Variants in AKAP1 observed in about 807,000 individuals in gnomAD.
AKAP1 encodes A-kinase anchor protein 1, mitochondrial.
Under a neutral mutation model 79.8 loss-of-function variants are expected in AKAP1, and 32 were observed. The observed-to-expected ratio is 0.40, with a 90% CI of 0.30 to 0.54. The LOEUF (loss-of-function observed/expected upper bound fraction) is 0.54, where lower values mean the gene tolerates loss of function less well. Ranked by LOEUF, AKAP1 falls within the 20% of genes least tolerant of loss-of-function variation. AKAP1 has a pLI of 0.47. For missense variants in AKAP1, 961 were observed against 1,138.9 expected (o/e 0.84, Z 2.25); for synonymous variants, 416 against 466.7 (o/e 0.89, Z 1.40).
At chr17:57,117,180 G>T (rs1170671620) in intron 8 of AKAP1, among the ~76,000 whole-genome samples, 3 of 152,202 alleles carry the variant, frequency 2.0e-5, no homozygotes, top group African/African-American at 7.2e-5. Flanking sequence ...GCATCAAGGG[G>T]CTTCCAACAA....
At chr17:57,094,820 T>G (rs1567897836) in intron 1 of AKAP1, 7 of 152,006 alleles carry the variant, frequency 4.6e-5, no homozygotes, top group Admixed American at 3.9e-4. Context: ...CTCACCACAT[T>G]GCCCAGGCTA....
At position 57,106,488 on chromosome 17, in the gene AKAP1, G is replaced by A. The variant is rs1222549357; in HGVS notation, c.1024G>A (p.Glu342Lys). ...DRNEEGLDRN[E>K]EIKRAAFQII... ...AAATGAGGAGGGCTTGGATAGAAAT[G>A]AGGAGATTAAGCGGGCTGCCTTCCA... Residue 342 changes from glutamate (E) to lysine (K), a missense_variant, in exon 2 of 11, where the codon GAG (glutamate) becomes AAG (lysine). Physicochemically the swap from Glu to Lys is moderately conservative, Grantham distance 56 (BLOSUM62 1). Transcript: ENST00000337714. The A allele has an allele frequency of 1.9e-6, 3 of 1,613,868 alleles. No individual in the cohort carries two copies. The South Asian group carries it at 3.3e-5, about 18-fold the overall frequency.
At position 57,121,040 on chromosome 17, in the gene AKAP1, AC is replaced by A. The variant is rs1915891838; in HGVS notation, c.*717del. 6.6e-6 allele frequency: 1 copy of A among 152,642 alleles called. No homozygotes were observed. Among genetic ancestry groups the A allele is most frequent in the Non-Finnish European group, 1.5e-5 (1 of 68,058 alleles). 9.5% of individuals were successfully genotyped at this position (152,642 alleles called of 1,614,324 possible). A position where few individuals can be genotyped will look rare whatever the true frequency, so the allele number is the denominator to read the frequency against. On this transcript the variant is annotated 3_prime_UTR_variant, in exon 11 of 11. Coordinates refer to ENST00000337714, the MANE Select transcript of AKAP1 (RefSeq NM_003488.4). ...TATTTTGTACAAGATACACTGGAGA[AC>A]AAAGGGAACTCAAGATTCTTCCAGC...
At chr17:57,117,598 C>T (rs755498309) in intron 8 of AKAP1, among the ~76,000 whole-genome samples, 6 of 152,170 alleles carry the variant, frequency 3.9e-5, no homozygotes, top group Non-Finnish European at 5.9e-5. Flanking sequence ...GATTTGCATG[C>T]GTTAGAAATA....
At chr17:57,110,868 T>C (rs952984090) in intron 3 of AKAP1, among the ~76,000 whole-genome samples, 17 of 152,186 alleles carry the variant, frequency 1.1e-4, no homozygotes, top group African/African-American at 4.1e-4. Flanking sequence ...TATTAGAACT[T>C]ACAACATATT....
chr17:57,088,881 C>T (rs894444471), intron 1 of AKAP1, among the ~76,000 whole-genome samples: 2 of 152,146 alleles, frequency 1.3e-5, no homozygotes, highest in African/African-American at 4.8e-5. Flanking sequence ...ATTGTGTTCC[C>T]TGTTCTGTAA....
intron 5 of AKAP1, among the ~76,000 whole-genome samples, chr17:57,113,594 CTTTTTTTTTTTTTTT>C (rs1036422001): frequency 1.2e-5 from 1 of 82,498 alleles, no homozygotes; most frequent in African/African-American, 5.9e-5. Flanking sequence ...GACTCACTCT[CTTTTTTTTTTTTTTT>C]TTTTTTTTTT....
chr17:57,093,276 C>T (rs1376036019), intron 1 of AKAP1: 1 of 152,212 alleles, frequency 6.6e-6, no homozygotes, highest in East Asian at 1.9e-4. Flanking sequence ...TTTGCAGTAT[C>T]TTACCTGTAA....
rs71139964 is a variant in AKAP1, at chr17:57,114,912, T to TC, written c.2281+279dup. Among the ~76,000 whole-genome samples the TC allele has an allele frequency of 5.8e-3, 877 of 151,998 alleles. 4 individuals carry two copies. Among genetic ancestry groups the TC allele is most frequent in the African/African-American group, 0.02 (843 of 41,444 alleles). The stretch of plus-strand genomic sequence containing the variant: ...TTTTTTTAATTTTTTCTTTTTTTTT[T>TC]CCCTCAAAGCCAGTGTCATAGTATC... On this transcript the variant is annotated intron_variant, in intron 6 of 10. Transcript: ENST00000337714.
rs1215149369 is a variant in AKAP1 at position 57,086,166 on chromosome 17, C to G, written c.-25+768C>G. 6.1e-6 allele frequency: 2 copies of G among 325,248 alleles called. No homozygotes were observed. The allele number at this position is 325,248 out of a possible 1,614,324, so 20.1% of individuals were successfully genotyped here. Reference sequence around the variant, plus strand: ...GTGGAGGCCGTCCAGCCTGGGGTGTCTGCCGACCTCACGCCCGGGGGCCCC... The same window carrying G: ...GTGGAGGCCGTCCAGCCTGGGGTGTGTGCCGACCTCACGCCCGGGGGCCCC... On this transcript the variant is annotated intron_variant, in intron 1 of 10. Transcript: ENST00000337714. The surrounding 1 kb of genome is among the most constrained non-coding windows in gnomAD (Gnocchi z 5.1).
Position 57,086,527 on chromosome 17 carries a change from C to G in AKAP1, c.-25+1129C>G, listed in dbSNP as rs1266308980. ...CCGCCGTTAACACAAACCCGGTGGA[C>G]TTCGCTCCAGGTGCGAGTCGAGGCC... On this transcript the variant is annotated intron_variant, in intron 1 of 10. Transcript: ENST00000337714. This position sits in a 1 kb window ranked among gnomAD's most constrained non-coding sequence, Gnocchi z 5.1. 2.2e-6 allele frequency: 1 copy of G among 444,592 alleles called. No individual in the cohort carries two copies. Among genetic ancestry groups the G allele is most frequent in the South Asian group, 1.6e-5 (1 of 62,890 alleles). The allele number at this position is 444,592 out of a possible 1,614,324, so 27.5% of individuals were successfully genotyped here. A position where few individuals can be genotyped will look rare whatever the true frequency, so the allele number is the denominator to read the frequency against.
At chr17:57,111,251 C>T (rs1915228634) in intron 3 of AKAP1, among the ~76,000 whole-genome samples, 1 of 152,250 alleles carries the variant, frequency 6.6e-6, no homozygotes, top group South Asian at 2.1e-4. Flanking sequence ...GGCACTTCTG[C>T]ATGCCTCCTG....
Position 57,111,924 on chromosome 17 carries a change from G to A in AKAP1, c.1975G>A (p.Gly659Ser). The A allele has an allele frequency of 6.2e-7, 1 of 1,611,838 alleles. No individual in the cohort carries two copies. ...TQSVQICHIE[G>S]SQHHVDKALN... The stretch of plus-strand genomic sequence containing the variant: ...GAGCGTCCAGATCTGCCACATAGAA[G>A]GTCAGTAACATCTGCTGCTTGTATT... Residue 659 changes from glycine to serine, a missense_variant and splice_region_variant, in exon 4 of 11, where the codon GGC (glycine) becomes AGC (serine). Gly to Ser is a moderately conservative substitution (Grantham distance 56). This residue lies in a region of AKAP1 where 629 missense variants were observed against 781.1 expected (regional missense o/e 0.81). Coordinates refer to ENST00000337714, the MANE Select transcript of AKAP1 (RefSeq NM_003488.4).
intron 1 of AKAP1, among the ~76,000 whole-genome samples, chr17:57,104,106 C>G (rs1330205725): frequency 6.6e-6 from 1 of 152,096 alleles, no homozygotes; most frequent in East Asian, 1.9e-4. Context: ...ATTACAGGCG[C>G]CTGCCACCAT....
chr17:57,105,569 C>T lies in AKAP1; in HGVS notation c.105C>T (p.Ser35=), dbSNP rs141183020. The T allele has an allele frequency of 5.0e-6, 8 of 1,614,018 alleles. No homozygotes were observed. The African/African-American group carries it at 1.1e-4, about 22-fold the overall frequency. Residue 35 remains serine (S), a synonymous_variant, in exon 2 of 11, where the codon AGC becomes AGT. Coordinates refer to ENST00000337714, the MANE Select transcript of AKAP1 (RefSeq NM_003488.4). ...CTCGTAAAAAAGGCCATGTCAGCAG[C>T]CATGATGAGCAGCAGGTGGAGGCTG... ...FFSRKKGHVS[S]HDEQQVEAGA... is the part of the protein sequence containing the mutation.
Position 57,115,019 on chromosome 17 carries a change from T to C in AKAP1, c.2281+383T>C, listed in dbSNP as rs544421569. Among the ~76,000 whole-genome samples the C allele has an allele frequency of 5.3e-4, 81 of 152,198 alleles. 1 individual carries two copies. The highest frequency in any genetic ancestry group is 9.0e-4 in the Non-Finnish European group (61 of 68,008). On this transcript the variant is annotated intron_variant, in intron 6 of 10. Coordinates refer to ENST00000337714, the MANE Select transcript of AKAP1 (RefSeq NM_003488.4). ...TGTTGAATACTGTATGTATTACATA[T>C]AAAGCACTTATGCATATAATGGTTA...
chr17:57,089,209 A>G (rs1913633756), intron 1 of AKAP1, among the ~76,000 whole-genome samples: 1 of 152,046 alleles, frequency 6.6e-6, no homozygotes, highest in African/African-American at 2.4e-5. Flanking sequence ...AAACGTGCCC[A>G]GGGGCCACTG....
intron 2 of AKAP1, chr17:57,107,919 A>G: frequency 7.8e-7 from 1 of 1,280,632 alleles, no homozygotes. Context: ...CTTTGCAGAA[A>G]GCCTCAGCCA....
rs2144606703 is a variant in AKAP1 at position 57,086,671 on chromosome 17, C to G, written c.-25+1273C>G. ...TTTGTCTCCAGTGAAATCTAGGCTGCTGGACCTGGTGCAACAGTATCTGTT... is the reference window on the plus strand; with the variant it reads ...TTTGTCTCCAGTGAAATCTAGGCTGGTGGACCTGGTGCAACAGTATCTGTT... On this transcript the variant is annotated intron_variant, in intron 1 of 10. Coordinates refer to ENST00000337714, the MANE Select transcript of AKAP1 (RefSeq NM_003488.4). This position sits in a 1 kb window ranked among gnomAD's most constrained non-coding sequence, Gnocchi z 5.1. The G allele has an allele frequency of 3.1e-6, 1 of 318,196 alleles. No homozygotes were observed. The highest frequency in any genetic ancestry group is 4.7e-5 in the Admixed American group (1 of 21,192). 19.7% of individuals were successfully genotyped at this position (318,196 alleles called of 1,614,324 possible).
Sources: gnomAD v4.1 joint callset for allele counts (sites outside exome capture counted in the v4.1 genomes callset) on GRCh38, gnomAD v4.1.1 for gene constraint, gnomAD v4.1.1 regional missense constraint, Gnocchi (gnomAD v3.1) non-coding constraint, MANE v1.5 for transcripts, NCBI Gene and HGNC (gene_info 2026-07-23, HGNC 2026-07-21) for gene names.